B3GAT2: variants seen among roughly 807,000 people sequenced by gnomAD.
B3GAT2 encodes galactosylgalactosylxylosylprotein 3-beta-glucuronosyltransferase 2.
A neutral mutation model predicts 27.8 loss-of-function variants in B3GAT2; 26 were observed. That is an observed-to-expected ratio of 0.93 (90% CI 0.68 to 1.30). B3GAT2 has a LOEUF of 1.30. Ranked by LOEUF, B3GAT2 falls within the 50% of genes most tolerant of loss-of-function variation. B3GAT2 has a pLI of 0.00. For missense variants in B3GAT2, 458 were observed against 459.0 expected (o/e 1.00, Z 0.02); for synonymous variants, 218 against 195.1 (o/e 1.12, Z -0.98).
rs1765665941 is a variant in B3GAT2, at chr6:70,956,818, G to A, written c.-389C>T. 2.8e-6 allele frequency: 3 copies of A among 1,069,026 alleles called. No homozygotes were observed. Among genetic ancestry groups the A allele is most frequent in the Non-Finnish European group, 3.4e-6 (3 of 883,154 alleles). 66.2% of individuals were successfully genotyped at this position (1,069,026 alleles called of 1,614,324 possible). On this transcript the variant is annotated 5_prime_UTR_variant, in exon 1 of 4. Transcript: ENST00000230053. ...GAAGCGGCACCCGGTGCGCCTCGCC[G>A]CTCCAGTCCGGCGGTGCTGCGGGCA...
chr6:70,937,131 C>T (rs1436361290), intron 1 of B3GAT2, among the ~76,000 whole-genome samples: 1 of 152,150 alleles, frequency 6.6e-6, no homozygotes, highest in Non-Finnish European at 1.5e-5. Flanking sequence ...CACCTCTACG[C>T]AAATAAACTG....
intron 2 of B3GAT2, among the ~76,000 whole-genome samples, chr6:70,886,595 T>C (rs1772191192): frequency 1.3e-5 from 2 of 152,180 alleles, no homozygotes; most frequent in Admixed American, 6.5e-5. Flanking sequence ...GAAAGGCCTC[T>C]GCAGAGCCCT....
intron 1 of B3GAT2, among the ~76,000 whole-genome samples, chr6:70,921,298 T>C (rs1419650668): frequency 2.0e-5 from 3 of 152,210 alleles, no homozygotes; most frequent in African/African-American, 7.2e-5. Flanking sequence ...TATTTGTTCA[T>C]TATTTTTGTC....
chr6:70,930,215 G>A (rs796791181), intron 1 of B3GAT2, among the ~76,000 whole-genome samples: 82 of 152,280 alleles, frequency 5.4e-4, no homozygotes, highest in African/African-American at 1.9e-3. Flanking sequence ...AGACTTAAAT[G>A]TAAGACCTAA....
intron 2 of B3GAT2, among the ~76,000 whole-genome samples, chr6:70,867,289 A>G (rs80144909): frequency 0.031 from 4,788 of 152,226 alleles, 152 homozygotes; most frequent in South Asian, 0.11. Flanking sequence ...AATGAAGCCC[A>G]AAGTAAATGG....
At chr6:70,896,543 C>T (rs1048567009) in intron 1 of B3GAT2, among the ~76,000 whole-genome samples, 2 of 152,166 alleles carry the variant, frequency 1.3e-5, no homozygotes, top group African/African-American at 4.8e-5. Flanking sequence ...TTCTCCAATC[C>T]CTTTTTATAT....
chr6:70,915,332 A>C (rs1170581809), intron 1 of B3GAT2, among the ~76,000 whole-genome samples: 1 of 151,832 alleles, frequency 6.6e-6, no homozygotes, highest in Non-Finnish European at 1.5e-5. Flanking sequence ...TAGATTGAAA[A>C]ATTTTTCTCC....
intron 1 of B3GAT2, among the ~76,000 whole-genome samples, chr6:70,945,592 T>A (rs956307896): frequency 6.6e-6 from 1 of 150,874 alleles, no homozygotes; most frequent in South Asian, 2.1e-4. Flanking sequence ...AAAATCTACG[T>A]CTGATTGTGT....
At chr6:70,940,469 A>C (rs9294882) in intron 1 of B3GAT2, among the ~76,000 whole-genome samples, 73,919 of 151,768 alleles carry the variant, frequency 0.49, 18,630 homozygotes, top group East Asian at 0.69. Context: ...TGACCTTAAA[A>C]TACTGCTTCT....
At chr6:70,939,804 T>C (rs1026071462) in intron 1 of B3GAT2, among the ~76,000 whole-genome samples, 3 of 152,018 alleles carry the variant, frequency 2.0e-5, no homozygotes, top group Admixed American at 2.0e-4. Flanking sequence ...AAAAGACTAG[T>C]TAATGGGTGC....
intron 1 of B3GAT2, among the ~76,000 whole-genome samples, chr6:70,954,397 G>A (rs1765617683): frequency 6.6e-6 from 1 of 152,200 alleles, no homozygotes. Flanking sequence ...AAGAAAAGAT[G>A]AAGGACAATT....
intron 1 of B3GAT2, among the ~76,000 whole-genome samples, chr6:70,929,638 G>A (rs562787344): frequency 3.9e-4 from 59 of 152,238 alleles, no homozygotes; most frequent in African/African-American, 1.4e-3. Context: ...AACTTACAAG[G>A]GATGTGAAGG....
chr6:70,932,009 A>G (rs1358445079), intron 1 of B3GAT2, among the ~76,000 whole-genome samples: 1 of 152,208 alleles, frequency 6.6e-6, no homozygotes, highest in Non-Finnish European at 1.5e-5. Flanking sequence ...TAAGCACATG[A>G]AAAGATGTTC....
At position 70,894,140 on chromosome 6, in the gene B3GAT2, T is replaced by A; in HGVS notation, c.724A>T (p.Ile242Phe). 1 of 1,611,676 alleles carries A rather than the reference T, an allele frequency of 6.2e-7. No homozygotes were observed. The highest frequency in any genetic ancestry group is 8.5e-7 in the Non-Finnish European group (1 of 1,178,742). The change falls in exon 2 of 4, where the codon ATC (isoleucine) becomes TTC (phenylalanine). Residue 242 changes from isoleucine to phenylalanine, a missense_variant. By Grantham distance (21) the Ile-to-Phe change is conservative. Coordinates refer to ENST00000230053, the MANE Select transcript of B3GAT2 (RefSeq NM_080742.3). Reference protein sequence around the residue: ...TGWRADRPFAIDMAGFAVSLQ... With the variant: ...TGWRADRPFAFDMAGFAVSLQ... ...CCACACTGCTCACCTGCCATGTCGA[T>A]GGCAAAAGGCCTGTCTGCTCTCCAG...
At chr6:70,875,431 C>A (rs1461559605) in intron 2 of B3GAT2, among the ~76,000 whole-genome samples, 2 of 152,084 alleles carry the variant, frequency 1.3e-5, no homozygotes, top group African/African-American at 4.8e-5. Flanking sequence ...GGAATGTTTC[C>A]TTTGCTTATT....
At chr6:70,863,813 A>AT (rs1201044242) in intron 2 of B3GAT2, among the ~76,000 whole-genome samples, 2 of 152,180 alleles carry the variant, frequency 1.3e-5, no homozygotes, top group Non-Finnish European at 2.9e-5. Context: ...GGCTGAAAGA[A>AT]TACTGGTTGA....
chr6:70,902,638 A>ATATATATATG (rs1772523684), intron 1 of B3GAT2, among the ~76,000 whole-genome samples: 1 of 131,166 alleles, frequency 7.6e-6, no homozygotes, highest in African/African-American at 3.4e-5. Context: ...ATATATATAT[A>ATATATATATG]CACACACACA....
intron 1 of B3GAT2, among the ~76,000 whole-genome samples, chr6:70,937,563 T>C (rs1193894210): frequency 6.6e-6 from 1 of 152,128 alleles, no homozygotes; most frequent in Non-Finnish European, 1.5e-5. Flanking sequence ...CATGATCAAG[T>C]GGGCTTCATC....
chr6:70,932,636 A>C (rs547108409), intron 1 of B3GAT2, among the ~76,000 whole-genome samples: 2 of 152,312 alleles, frequency 1.3e-5, no homozygotes, highest in African/African-American at 4.8e-5. Flanking sequence ...AATAATTGTG[A>C]ATGTGTATTT....
Sources: allele counts gnomAD v4.1 joint callset (sites outside exome capture counted in the v4.1 genomes callset), GRCh38; gene constraint gnomAD v4.1.1; transcripts MANE v1.5; gene names NCBI Gene and HGNC (gene_info 2026-07-23, HGNC 2026-07-21).